Variants in RBFOX3 observed in about 807,000 individuals in gnomAD.
The protein encoded by RBFOX3 is RNA binding protein fox-1 homolog 3.
Under a neutral mutation model 48.7 loss-of-function variants are expected in RBFOX3, and 17 were observed. That is an observed-to-expected ratio of 0.35 (90% CI 0.24 to 0.52). The LOEUF is 0.52. RBFOX3 is among the 20% of genes least tolerant of loss of function. The probability of loss-of-function intolerance (pLI) is 0.94; values close to 1 mark genes in which losing one functional copy is unlikely to be tolerated. For synonymous variants in RBFOX3, 212 were observed against 209.5 expected, an observed-to-expected ratio of 1.01 and a Z score of -0.10; for missense variants, 382 against 497.5, an observed-to-expected ratio of 0.77 and a Z score of 2.21.
At chr17:79,403,738 G>C (rs1477859619) in intron 2 of RBFOX3, among the ~76,000 whole-genome samples, 2 of 151,242 alleles carry the variant, frequency 1.3e-5, no homozygotes, top group African/African-American at 2.4e-5. Flanking sequence ...CCCAGGCCCC[G>C]TCCTCTCAGG....
At chr17:79,456,789 T>G (rs2074572566) in intron 2 of RBFOX3, among the ~76,000 whole-genome samples, 1 of 152,026 alleles carries the variant, frequency 6.6e-6, no homozygotes, top group South Asian at 2.1e-4. Flanking sequence ...CTCTCGGTCT[T>G]TCAAACACAA....
Position 79,111,684 on chromosome 17 carries a change from C to T in RBFOX3, c.222+3810G>A, listed in dbSNP as rs1354246187. ...TCCTGACTTCGTGATCCACCTGCCTCGGCCTCCCGAAGTGCTGGGGTGACA... is the reference window on the plus strand; with the variant it reads ...TCCTGACTTCGTGATCCACCTGCCTTGGCCTCCCGAAGTGCTGGGGTGACA... On this transcript the variant is annotated intron_variant, in intron 5 of 14. Transcript: ENST00000693108. This position sits in a 1 kb window ranked among gnomAD's most constrained non-coding sequence, Gnocchi z 4.2. 3.3e-5 allele frequency among the ~76,000 whole-genome samples: 5 copies of T among 152,240 alleles called. No homozygotes were observed. Among genetic ancestry groups the T allele is most frequent in the South Asian group, 2.1e-4 (1 of 4,832 alleles).
At chr17:79,636,001 G>A in the RBFOX3 span, among the ~76,000 whole-genome samples, 2 of 152,246 alleles carry the variant, frequency 1.3e-5, no homozygotes, top group South Asian at 2.1e-4. Flanking sequence ...GACCTATTTG[G>A]TGATATTTAT....
intron 3 of RBFOX3, among the ~76,000 whole-genome samples, chr17:79,239,039 A>C (rs1255284962): frequency 6.6e-6 from 1 of 152,148 alleles, no homozygotes; most frequent in Non-Finnish European, 1.5e-5. Context: ...GCTCTTGTGC[A>C]TGGAAAGGAA....
Position 79,444,274 on chromosome 17 carries a change from C to T in RBFOX3, c.-175+38180G>A, listed in dbSNP as rs557150317. Among the ~76,000 whole-genome samples, 4 of 152,250 alleles carry T rather than the reference C, an allele frequency of 2.6e-5. No homozygotes were observed. The South Asian group carries it at 8.3e-4, about 32-fold the overall frequency. On this transcript the variant is annotated intron_variant, in intron 2 of 14. Coordinates refer to ENST00000693108, the MANE Select transcript of RBFOX3 (RefSeq NM_001350451.2). ...TGACCTCAGCTGGGGGACTGGGAGCCCCTTGTGGGTTGGGGGCCAGCAAGA... is the reference window on the plus strand; with the variant it reads ...TGACCTCAGCTGGGGGACTGGGAGCTCCTTGTGGGTTGGGGGCCAGCAAGA...
At chr17:79,485,001 C>T (rs1315346971) in intron 1 of RBFOX3, among the ~76,000 whole-genome samples, 3 of 152,200 alleles carry the variant, frequency 2.0e-5, no homozygotes, top group Non-Finnish European at 4.4e-5. Context: ...TGCTTTAACT[C>T]TCAATATCAC....
At chr17:79,091,187 G>T (rs890843627) in intron 14 of RBFOX3, among the ~76,000 whole-genome samples, 3 of 152,208 alleles carry the variant, frequency 2.0e-5, no homozygotes, top group Non-Finnish European at 2.9e-5. Context: ...TGGATGAGAT[G>T]GCAGAGGGTG....
chr17:79,415,762 C>T (rs777080853), intron 2 of RBFOX3, among the ~76,000 whole-genome samples: 1 of 152,090 alleles, frequency 6.6e-6, no homozygotes, highest in Non-Finnish European at 1.5e-5. Context: ...TTCATCTGGG[C>T]CCTGGGGGAG....
chr17:79,092,344 A>T, intron 14 of RBFOX3: 2 of 985,536 alleles, frequency 2.0e-6, no homozygotes, highest in Non-Finnish European at 2.4e-6. Flanking sequence ...ACAAAGTCAA[A>T]ATAGGAAATC....
intron 8 of RBFOX3, among the ~76,000 whole-genome samples, chr17:79,102,006 C>T (rs920018148): frequency 6.6e-6 from 1 of 152,192 alleles, no homozygotes; most frequent in African/African-American, 2.4e-5. Context: ...CCAGGATGCC[C>T]CCTCCTCCCT....
chr17:79,640,404 T>C, the RBFOX3 span, among the ~76,000 whole-genome samples: 11 of 152,154 alleles, frequency 7.2e-5, no homozygotes, highest in Non-Finnish European at 1.6e-4. Flanking sequence ...ATCCACAAAT[T>C]CAGTGCAATC....
At chr17:79,579,264 C>T (rs1337466457) in intron 1 of RBFOX3, among the ~76,000 whole-genome samples, 1 of 152,054 alleles carries the variant, frequency 6.6e-6, no homozygotes, top group African/African-American at 2.4e-5. Context: ...CTGCGGTTGA[C>T]ACGGGTGCTG....
intron 4 of RBFOX3, among the ~76,000 whole-genome samples, chr17:79,210,100 C>A (rs191657101): frequency 6.6e-6 from 1 of 152,258 alleles, no homozygotes; most frequent in African/African-American, 2.4e-5. Context: ...GGCTCAGCTT[C>A]TGCCCTGGCT....
chr17:79,487,727 C>G (rs2079845063), intron 1 of RBFOX3, among the ~76,000 whole-genome samples: 1 of 151,794 alleles, frequency 6.6e-6, no homozygotes, highest in African/African-American at 2.4e-5. Context: ...CTGGCTAGCA[C>G]TGTGAAACCC....
intron 3 of RBFOX3, among the ~76,000 whole-genome samples, chr17:79,268,073 C>T (rs17742707): frequency 0.6 from 90,661 of 151,912 alleles, 27,461 homozygotes; most frequent in East Asian, 0.8. Flanking sequence ...TTCAACCCTC[C>T]GCATCATCCG....
At chr17:79,460,208 G>T (rs147356416) in intron 2 of RBFOX3, among the ~76,000 whole-genome samples, 2,862 of 152,208 alleles carry the variant, frequency 0.019, 45 homozygotes, top group Non-Finnish European at 0.028. Context: ...TCAATGTACT[G>T]AATACCACTG....
rs200810921 is a variant in RBFOX3, at chr17:79,305,875, AC to A, written c.-74+1848del. 6.1e-3 allele frequency among the ~76,000 whole-genome samples: 926 copies of A among 152,286 alleles called. 3 individuals carry two copies. Among genetic ancestry groups the A allele is most frequent in the Middle Eastern group, 0.01 (3 of 294 alleles). ...CAGAACAACCAGCAGAGAGTGCATA[AC>A]CTGGCTAACCATCCAGGGCTGACCT... On this transcript the variant is annotated intron_variant, in intron 3 of 14. Coordinates refer to ENST00000693108, the MANE Select transcript of RBFOX3 (RefSeq NM_001350451.2).
At chr17:79,588,867 T>C (rs1409951334) in intron 1 of RBFOX3, among the ~76,000 whole-genome samples, 2 of 150,080 alleles carry the variant, frequency 1.3e-5, no homozygotes, top group Admixed American at 6.6e-5. Context: ...CTGGGCCCTA[T>C]AGCGAGACCC....
intron 1 of RBFOX3, among the ~76,000 whole-genome samples, chr17:79,584,597 G>A (rs1218950611): frequency 6.6e-6 from 1 of 151,896 alleles, no homozygotes. Context: ...CCATAAAAAG[G>A]AACAAAATAA....
Sources: gnomAD v4.1 joint callset for allele counts (sites outside exome capture counted in the v4.1 genomes callset) on GRCh38, gnomAD v4.1.1 for gene constraint, Gnocchi (gnomAD v3.1) non-coding constraint, MANE v1.5 for transcripts, NCBI Gene and HGNC (gene_info 2026-07-23, HGNC 2026-07-21) for gene names.